Variants in ELF1 observed in about 807,000 individuals in gnomAD.
ELF1 encodes E74 like ETS transcription factor 1.
ELF1 carries 24 observed loss-of-function variants against 59.9 expected under a neutral mutation model. That is an observed-to-expected ratio of 0.40 (90% CI 0.29 to 0.56). The LOEUF (loss-of-function observed/expected upper bound fraction) is 0.56, where lower values mean the gene tolerates loss of function less well. Among genes scored for constraint, ELF1 ranks in the 20% least tolerant of loss-of-function variants. The pLI is 0.44. For synonymous variants in ELF1, 248 were observed against 266.2 expected (o/e 0.93, Z 0.67); for missense variants, 627 against 742.2 (o/e 0.84, Z 1.80).
intron 1 of ELF1, among the ~76,000 whole-genome samples, chr13:41,012,312 CAAAAAAAAAAA>C (rs56791748): frequency 3.5e-4 from 23 of 65,046 alleles, no homozygotes; most frequent in Admixed American, 1.3e-3. Flanking sequence ...GACTCTGTCT[CAAAAAAAAAAA>C]AAAAAAAAAA....
chr13:40,949,333 CTCTT>C (rs1282224051), intron 5 of ELF1, among the ~76,000 whole-genome samples: 1 of 151,862 alleles, frequency 6.6e-6, no homozygotes, highest in African/African-American at 2.4e-5. Context: ...GAAGAAATAC[CTCTT>C]TTTCTTATTT....
chr13:41,010,432 G>A (rs1874988601), intron 1 of ELF1, among the ~76,000 whole-genome samples: 1 of 151,588 alleles, frequency 6.6e-6, no homozygotes, highest in South Asian at 2.1e-4. Flanking sequence ...GCCTAGGCGA[G>A]AGGGCTACAC....
At chr13:40,949,730 C>T (rs1307593080) in intron 5 of ELF1, 76 bp downstream of exon 5, 1 of 1,496,364 alleles carries the variant, frequency 6.7e-7, no homozygotes, top group Non-Finnish European at 9.0e-7. Context: ...CAGGAAAGAA[C>T]TATGTAGAAT....
intron 1 of ELF1, among the ~76,000 whole-genome samples, chr13:40,984,952 C>A (rs73176917): frequency 6.6e-6 from 1 of 152,046 alleles, no homozygotes; most frequent in Non-Finnish European, 1.5e-5. Context: ...GGATAAGCAA[C>A]CAACATACCC....
chr13:40,949,792 A>C lies in ELF1; in HGVS notation c.529+14T>G. On this transcript the variant is annotated intron_variant, in intron 5 of 8. Coordinates refer to ENST00000239882, the MANE Select transcript of ELF1 (RefSeq NM_172373.4). ...AGACTTGACTATGCGCCCTAAACAA[A>C]GTAACCCACCTACCTTTTTTCCTCT... 2.5e-6 allele frequency: 4 copies of C among 1,613,294 alleles called. No individual in the cohort carries two copies. In the East Asian group the frequency reaches 8.9e-5, roughly 36 times the overall value.
intron 3 of ELF1, among the ~76,000 whole-genome samples, chr13:40,952,485 C>T (rs79843798): frequency 0.013 from 1,909 of 151,988 alleles, 44 homozygotes; most frequent in African/African-American, 0.044. Flanking sequence ...CCTCAGCCTC[C>T]CGAGTAGACA....
chr13:41,061,099 C>CTT, exon 1 of ELF1: 4 of 185,194 alleles, frequency 2.2e-5, no homozygotes, highest in South Asian at 9.0e-5. Flanking sequence ...AGTTTCACCT[C>CTT]TTTTTTTTTT....
Position 40,993,213 on chromosome 13 carries a change from G to A in ELF1, c.-228-10931C>T, listed in dbSNP as rs945508200. The A allele has an allele frequency of 1.2e-5, 18 of 1,548,472 alleles. No individual in the cohort carries two copies. In the African/African-American group the frequency reaches 1.6e-4, roughly 14 times the overall value. ...CCCTTTCTTCATTCCTAACAGTGAGGCAGGAGCAGCTGCAACAACAGCACC... is the reference window on the plus strand; with the variant it reads ...CCCTTTCTTCATTCCTAACAGTGAGACAGGAGCAGCTGCAACAACAGCACC... On this transcript the variant is annotated intron_variant, in intron 1 of 8. Coordinates refer to ENST00000239882, the MANE Select transcript of ELF1 (RefSeq NM_172373.4).
At chr13:40,991,203 A>G (rs1873835738) in intron 1 of ELF1, among the ~76,000 whole-genome samples, 1 of 152,224 alleles carries the variant, frequency 6.6e-6, no homozygotes, top group Non-Finnish European at 1.5e-5. Context: ...CTAAGGAAAC[A>G]TGACAACTAA....
intron 1 of ELF1, among the ~76,000 whole-genome samples, chr13:41,007,110 T>G (rs934118620): frequency 1.3e-5 from 2 of 152,108 alleles, no homozygotes; most frequent in African/African-American, 4.8e-5. Context: ...ATATCTCGGA[T>G]GCACAAAGCA....
chr13:40,974,442 A>G (rs1196325244), intron 2 of ELF1, among the ~76,000 whole-genome samples: 8 of 152,200 alleles, frequency 5.3e-5, no homozygotes, highest in Non-Finnish European at 1.2e-4. Context: ...CTATGAAATT[A>G]CAGGCAAGTT....
chr13:41,033,620 T>TC (rs1876257671), intron 1 of ELF1, among the ~76,000 whole-genome samples: 1 of 152,176 alleles, frequency 6.6e-6, no homozygotes, highest in South Asian at 2.1e-4. Context: ...GAGAATTAGA[T>TC]TCTCATAGGA....
At chr13:41,054,213 A>G (rs1385258814) in intron 1 of ELF1, among the ~76,000 whole-genome samples, 2 of 152,234 alleles carry the variant, frequency 1.3e-5, no homozygotes, top group East Asian at 3.8e-4. Context: ...TTTTAAAACT[A>G]CTGGTTCCAT....
At position 41,049,324 on chromosome 13, in the gene ELF1, T is replaced by C. The variant is rs149542974; in HGVS notation, c.-229+11514A>G. On this transcript the variant is annotated intron_variant, in intron 1 of 1. Transcript: ENST00000405737. ...ATGAACAGCTCACAATGGTGGCCAA[T>C]ATACAATCCCCTCCAACATTCAAGC... is the stretch of plus-strand genomic sequence containing the variant. Among the ~76,000 whole-genome samples, 9 of 152,302 alleles carry C rather than the reference T, an allele frequency of 5.9e-5. No individual in the cohort carries two copies. In the East Asian group the frequency reaches 1.3e-3, roughly 23 times the overall value.
chr13:41,013,334 G>T (rs1490854793), intron 1 of ELF1, among the ~76,000 whole-genome samples: 1 of 152,114 alleles, frequency 6.6e-6, no homozygotes, highest in Non-Finnish European at 1.5e-5. Context: ...GTGTTCCCAA[G>T]CTCAAAATAA....
At chr13:41,047,967 T>G (rs919118685) in intron 1 of ELF1, among the ~76,000 whole-genome samples, 1 of 152,234 alleles carries the variant, frequency 6.6e-6, no homozygotes, top group African/African-American at 2.4e-5. Flanking sequence ...TACTCAAGCC[T>G]CAGCAATGGC....
chr13:40,997,014 C>CT (rs1360117258), intron 1 of ELF1, among the ~76,000 whole-genome samples: 1 of 152,156 alleles, frequency 6.6e-6, no homozygotes, highest in African/African-American at 2.4e-5. Context: ...CAACTACTCT[C>CT]TGACAATCAC....
In ELF1 at chr13:40,941,031, G is replaced by A. The variant is rs373542700; in HGVS notation, c.1146C>T (p.Leu382=). 1.9e-6 allele frequency: 3 copies of A among 1,614,214 alleles called. No homozygotes were observed. The highest frequency in any genetic ancestry group is 2.5e-6 in the Non-Finnish European group (3 of 1,180,046). The change falls in exon 8 of 9, where the codon CTC becomes CTT. Residue 382 remains leucine, a synonymous_variant. Coordinates refer to ENST00000239882, the MANE Select transcript of ELF1 (RefSeq NM_172373.4). ...QPTQSPYPTQ[L]FRTVHVVQPV... ...GCTGTACTACATGAACAGTCCGGAA[G>A]AGCTGGGTAGGATATGGAGACTGCG...
chr13:41,030,823 G>T (rs1253277242), intron 1 of ELF1, among the ~76,000 whole-genome samples: 2 of 150,990 alleles, frequency 1.3e-5, no homozygotes, highest in Non-Finnish European at 3.0e-5. Context: ...TGTTTTTTTT[G>T]GGGGGTGGGG....
Sources: allele counts gnomAD v4.1 joint callset (sites outside exome capture counted in the v4.1 genomes callset), GRCh38; gene constraint gnomAD v4.1.1; transcripts MANE v1.5; gene names NCBI Gene and HGNC (gene_info 2026-07-23, HGNC 2026-07-21).